TRIM37: variants seen among roughly 807,000 people sequenced by gnomAD.
TRIM37 encodes the protein tripartite motif containing 37, also known as E3 ubiquitin-protein ligase TRIM37.
In TRIM37, 80 loss-of-function variants were observed where a neutral mutation model predicts 129.8. The ratio of observed to expected loss-of-function variants is 0.62; its 90% CI spans 0.51 to 0.74. The LOEUF (loss-of-function observed/expected upper bound fraction) is 0.74, where lower values mean the gene tolerates loss of function less well. TRIM37 is among the 30% of genes least tolerant of loss of function. The probability of loss-of-function intolerance (pLI) is 0.00; values close to 1 mark genes in which losing one functional copy is unlikely to be tolerated. For synonymous variants in TRIM37, 389 were observed against 387.1 expected (o/e 1.00, Z -0.06); for missense variants, 1,054 against 1,176.5 (o/e 0.90, Z 1.52).
intron 16 of TRIM37, 65 bp downstream of exon 16, chr17:59,047,618 G>T: frequency 2.0e-6 from 3 of 1,499,272 alleles, no homozygotes; most frequent in Non-Finnish European, 1.8e-6. Context: ...TTAAGTGTGA[G>T]TTAGTTAATA....
intron 19 of TRIM37, among the ~76,000 whole-genome samples, chr17:59,021,229 T>TA (rs919848435): frequency 4.3e-4 from 65 of 151,924 alleles, no homozygotes; most frequent in African/African-American, 1.5e-3. Context: ...CCATCTCTAC[T>TA]AAAAAATACA....
In TRIM37 at chr17:59,030,240, G is replaced by A. The variant is rs1415935569; in HGVS notation, c.1949-1517C>T. ...CCTGCCTCAGCTTCCCAGGTAGCTG[G>A]GATTACAGGCACCTGCCACAATGGC... On this transcript the variant is annotated intron_variant, in intron 18 of 23. Coordinates refer to ENST00000262294, the MANE Select transcript of TRIM37 (RefSeq NM_015294.6). 2.0e-5 allele frequency among the ~76,000 whole-genome samples: 3 copies of A among 152,100 alleles called. No homozygotes were observed. In the East Asian group the frequency reaches 5.8e-4, roughly 29 times the overall value.
chr17:58,987,718 C>T (rs2031948453), intron 24 of TRIM37, among the ~76,000 whole-genome samples: 1 of 152,090 alleles, frequency 6.6e-6, no homozygotes. Context: ...AAGAAAATAG[C>T]TCTTGGGGTT....
At chr17:59,053,618 A>G (rs2040559685) in intron 13 of TRIM37, among the ~76,000 whole-genome samples, 1 of 152,206 alleles carries the variant, frequency 6.6e-6, no homozygotes, top group African/African-American at 2.4e-5. Flanking sequence ...AGTAACGCTA[A>G]TAAGGATGAA....
chr17:59,022,539 A>G (rs1373997166), intron 19 of TRIM37, among the ~76,000 whole-genome samples: 1 of 152,236 alleles, frequency 6.6e-6, no homozygotes, highest in Non-Finnish European at 1.5e-5. Context: ...TGAAACTAGC[A>G]ACATTATTCA....
At chr17:58,967,519 T>TAG in the TRIM37 span, among the ~76,000 whole-genome samples, 1,103 of 145,154 alleles carry the variant, frequency 7.6e-3, 8 homozygotes, top group East Asian at 0.03. Flanking sequence ...TATATATATA[T>TAG]AGAGAGAGAG....
chr17:58,969,396 G>C, the TRIM37 span: 16 of 822,672 alleles, frequency 1.9e-5, no homozygotes, highest in East Asian at 4.2e-4. Context: ...AGGCATGTTA[G>C]AGAAGGAAAA....
chr17:59,005,725 C>T lies in TRIM37; in HGVS notation c.2696-4011G>A, dbSNP rs1215227596. ...CACGTTTAGAACTCAGCAAGGTTTA[C>T]AGTACTATGCAGAATCACATGTTAA... On this transcript the variant is annotated intron_variant, in intron 22 of 23. Transcript: ENST00000262294. Among the ~76,000 whole-genome samples the T allele has an allele frequency of 2.0e-5, 3 of 152,178 alleles. No homozygotes were observed. In the South Asian group the frequency reaches 6.2e-4, roughly 31 times the overall value.
chr17:59,100,940 C>T (rs1346930187), intron 2 of TRIM37, among the ~76,000 whole-genome samples: 3 of 149,924 alleles, frequency 2.0e-5, no homozygotes, highest in Admixed American at 6.7e-5. Flanking sequence ...GAGAATCACT[C>T]GAACCCAGGA....
chr17:59,088,593 T>G (rs1364042084), intron 3 of TRIM37, among the ~76,000 whole-genome samples, 186 bp from the exon 4 acceptor site: 2 of 152,060 alleles, frequency 1.3e-5, no homozygotes, highest in Admixed American at 1.3e-4. Context: ...CATGGTTCAC[T>G]GTAGCCTTGA....
chr17:59,084,216 G>A, intron 4 of TRIM37, 127 bp from the exon 5 acceptor site: 1 of 727,758 alleles, frequency 1.4e-6, no homozygotes, highest in South Asian at 1.7e-5. Context: ...AGTATAAAAT[G>A]TACTCCATGG....
intron 24 of TRIM37, among the ~76,000 whole-genome samples, chr17:58,986,512 T>TG (rs1416367368): frequency 6.7e-6 from 1 of 149,796 alleles, no homozygotes; most frequent in African/African-American, 2.5e-5. Context: ...GTCTTTTTTT[T>TG]TTTTTTTTTT....
the TRIM37 span, among the ~76,000 whole-genome samples, chr17:58,974,055 G>A: frequency 6.6e-6 from 1 of 151,940 alleles, no homozygotes; most frequent in Non-Finnish European, 1.5e-5. Flanking sequence ...TTGAGTCCAG[G>A]AGTTTGAGGC....
intron 2 of TRIM37, among the ~76,000 whole-genome samples, chr17:59,092,837 C>T (rs1471996805): frequency 1.3e-5 from 2 of 152,240 alleles, no homozygotes; most frequent in African/African-American, 4.8e-5. Context: ...TGATAGCAAG[C>T]AAGGTACTTC....
intron 22 of TRIM37, among the ~76,000 whole-genome samples, chr17:59,006,111 C>CA (rs1408288281): frequency 2.6e-5 from 4 of 151,304 alleles, no homozygotes; most frequent in South Asian, 4.2e-4. Flanking sequence ...TTTCAGAATT[C>CA]AAAAAAAACA....
downstream of TRIM37, among the ~76,000 whole-genome samples, chr17:58,994,770 C>G (rs1349108068): frequency 6.8e-6 from 1 of 147,474 alleles, no homozygotes; most frequent in Non-Finnish European, 1.5e-5. Flanking sequence ...TTTTTTGAGA[C>G]AGAGTTTCGC....
At chr17:59,073,482 C>T (rs1436579142) in intron 8 of TRIM37, among the ~76,000 whole-genome samples, 3 of 152,056 alleles carry the variant, frequency 2.0e-5, no homozygotes, top group Non-Finnish European at 2.9e-5. Flanking sequence ...TTAGTAGAGA[C>T]GGGGTTTCAC....
intron 7 of TRIM37, among the ~76,000 whole-genome samples, chr17:59,079,400 A>G (rs547969963): frequency 1.3e-5 from 2 of 152,206 alleles, no homozygotes; most frequent in Non-Finnish European, 2.9e-5. Flanking sequence ...CGATGTTTAC[A>G]AATGTCAGTT....
downstream of TRIM37, chr17:58,981,326 C>A: frequency 3.2e-6 from 1 of 308,434 alleles, no homozygotes; most frequent in East Asian, 6.3e-5. Context: ...ACCCCCTTCC[C>A]ACCATCCCTT....
Sources: allele counts gnomAD v4.1 joint callset (sites outside exome capture counted in the v4.1 genomes callset), GRCh38; gene constraint gnomAD v4.1.1; transcripts MANE v1.5; gene names NCBI Gene and HGNC (gene_info 2026-07-23, HGNC 2026-07-21).